MTUS2: variants seen among roughly 807,000 people sequenced by gnomAD.
MTUS2 encodes the protein microtubule associated scaffold protein 2, also known as microtubule-associated tumor suppressor candidate 2.
Under a neutral mutation model 114.1 loss-of-function variants are expected in MTUS2, and 40 were observed. The ratio of observed to expected loss-of-function variants is 0.35; its 90% CI spans 0.27 to 0.46. The LOEUF (loss-of-function observed/expected upper bound fraction) is 0.46, where lower values mean the gene tolerates loss of function less well. Among genes scored for constraint, MTUS2 ranks in the 20% least tolerant of loss-of-function variants. MTUS2 has a pLI of 1.00. For missense variants in MTUS2, 1,679 were observed against 1,705.4 expected (o/e 0.98, Z 0.27); for synonymous variants, 688 against 672.0 (o/e 1.02, Z -0.37).
intron 5 of MTUS2, among the ~76,000 whole-genome samples, chr13:29,142,868 CT>C (rs1892282876): frequency 6.6e-6 from 1 of 152,120 alleles, no homozygotes; most frequent in Non-Finnish European, 1.5e-5. Flanking sequence ...GGCATGTTGA[CT>C]TGAAGGGGCA....
chr13:29,474,070 C>G lies in MTUS2; in HGVS notation c.3185-6080C>G, dbSNP rs536450186. ...TTATTATCCAATATTTTCTACAGGC[C>G]TAGGGCTTACAACAGAGAGCCATTG... On this transcript the variant is annotated intron_variant, in intron 9 of 15. Transcript: ENST00000612955. Among the ~76,000 whole-genome samples the G allele has an allele frequency of 2.0e-5, 3 of 152,306 alleles. No homozygotes were observed. The South Asian group carries it at 6.2e-4, about 32-fold the overall frequency.
At chr13:29,019,165 CAG>C (rs1886190410) in intron 2 of MTUS2, among the ~76,000 whole-genome samples, 2 of 152,226 alleles carry the variant, frequency 1.3e-5, no homozygotes, top group East Asian at 1.9e-4. Context: ...TCATGATTGA[CAG>C]AGTTTCTTAT....
intron 5 of MTUS2, among the ~76,000 whole-genome samples, chr13:29,120,860 G>T (rs747196452): frequency 5.9e-5 from 9 of 152,190 alleles, no homozygotes; most frequent in African/African-American, 2.2e-4. Context: ...AAAGATGAAA[G>T]AAGGTTGTAT....
rs543068174 is a variant in MTUS2, at chr13:28,907,578, A to G, written c.-243+67728A>G. Among the ~76,000 whole-genome samples the G allele has an allele frequency of 7.3e-5, 11 of 151,586 alleles. No homozygotes were observed. In the South Asian group the frequency reaches 2.1e-3, roughly 29 times the overall value. ...GGAAGATCTGCCAAGCAAATGGAAA[A>G]CAAAAAAAGGCAGGGGTTGCAATCC... On this transcript the variant is annotated intron_variant, in intron 2 of 15. Coordinates refer to ENST00000612955, the MANE Select transcript of MTUS2 (RefSeq NM_001033602.4).
intron 6 of MTUS2, among the ~76,000 whole-genome samples, chr13:29,323,314 A>G (rs1900332970): frequency 6.6e-6 from 1 of 150,642 alleles, no homozygotes; most frequent in Non-Finnish European, 1.5e-5. Context: ...CAGTGGCGTG[A>G]TCTCGGCTCA....
chr13:29,003,995 A>G (rs1336477477), intron 2 of MTUS2, among the ~76,000 whole-genome samples: 3 of 152,170 alleles, frequency 2.0e-5, no homozygotes, highest in Non-Finnish European at 4.4e-5. Flanking sequence ...TCCCAGGGGA[A>G]AGAAAGGGTG....
intron 4 of MTUS2, among the ~76,000 whole-genome samples, chr13:29,049,019 C>G (rs1887765448): frequency 6.6e-6 from 1 of 152,158 alleles, no homozygotes; most frequent in African/African-American, 2.4e-5. Context: ...GTGTACTGAT[C>G]AGCAATTCTT....
In MTUS2 at chr13:29,046,031, G is replaced by A. The variant is rs1288351578; in HGVS notation, c.2446+11906G>A. Among the ~76,000 whole-genome samples the A allele has an allele frequency of 3.3e-5, 5 of 151,746 alleles. No individual in the cohort carries two copies. In the South Asian group the frequency reaches 8.3e-4, roughly 25 times the overall value. On this transcript the variant is annotated intron_variant, in intron 4 of 15. Coordinates refer to ENST00000612955, the MANE Select transcript of MTUS2 (RefSeq NM_001033602.4). ...GTTTATGTTCCCCATCCCAGTCCCC[G>A]TGCTTACAAATGACTCTACCTGCTG...
At position 29,487,843 on chromosome 13, in the gene MTUS2, C is replaced by T. The variant is rs1881739681; in HGVS notation, c.3400-57C>T. 3 of 1,357,752 alleles carry T rather than the reference C, an allele frequency of 2.2e-6. No individual in the cohort carries two copies. In the East Asian group the frequency reaches 6.9e-5, roughly 31 times the overall value. The allele number at this position is 1,357,752 out of a possible 1,614,324, so 84.1% of individuals were successfully genotyped here. ...ACGGACCTTTTCCACTCACGGAATT[C>T]CACTTCTGTTCTCCAAGCAGCTCTC... On this transcript the variant is annotated intron_variant, in intron 10 of 15. Coordinates refer to ENST00000612955, the MANE Select transcript of MTUS2 (RefSeq NM_001033602.4).
intron 4 of MTUS2, among the ~76,000 whole-genome samples, chr13:29,076,759 T>C (rs866662733): frequency 6.6e-6 from 1 of 152,208 alleles, no homozygotes. Flanking sequence ...CTCAGTATTT[T>C]ACTGGTCAGC....
At chr13:28,906,426 A>G (rs1880017828) in intron 2 of MTUS2, among the ~76,000 whole-genome samples, 1 of 151,016 alleles carries the variant, frequency 6.6e-6, no homozygotes, top group Non-Finnish European at 1.5e-5. Flanking sequence ...ACTGCTTTGA[A>G]TGTGTCCCAG....
At chr13:28,898,626 G>A (rs1879436225) in intron 2 of MTUS2, among the ~76,000 whole-genome samples, 1 of 152,184 alleles carries the variant, frequency 6.6e-6, no homozygotes, top group Admixed American at 6.5e-5. Context: ...ACACTAGCTG[G>A]GGGCTTGGCA....
In MTUS2 at chr13:29,025,233, A is replaced by C. The variant is rs748655936; in HGVS notation, c.535A>C (p.Arg179=). The change falls in exon 3 of 16, where the codon AGA becomes CGA. Residue 179 remains arginine (R), a synonymous_variant. Transcript: ENST00000612955. ...GGAACTGAGGAGGCATTCTTTGGAAAGAGCAAGCAGCTCTGTAGCTGCAGT... is the reference window on the plus strand; with the variant it reads ...GGAACTGAGGAGGCATTCTTTGGAACGAGCAAGCAGCTCTGTAGCTGCAGT... The part of the protein sequence containing the change: ...NEELRRHSLE[R]ASSSVAAVGS... The C allele has an allele frequency of 1.2e-6, 2 of 1,613,916 alleles. No homozygotes were observed. The highest frequency in any genetic ancestry group is 1.3e-5 in the African/African-American group (1 of 74,932).
intron 9 of MTUS2, among the ~76,000 whole-genome samples, chr13:29,459,832 C>G (rs768252838): frequency 1.3e-5 from 2 of 152,128 alleles, no homozygotes; most frequent in Non-Finnish European, 2.9e-5. Flanking sequence ...CCACACACAA[C>G]TCCTGCTACT....
chr13:29,248,812 C>T (rs1045881283), intron 5 of MTUS2, among the ~76,000 whole-genome samples: 4 of 152,178 alleles, frequency 2.6e-5, no homozygotes, highest in African/African-American at 9.7e-5. Flanking sequence ...TGATCTCATT[C>T]CTTTTTATGG....
intron 4 of MTUS2, among the ~76,000 whole-genome samples, chr13:29,039,166 G>A (rs1250466978): frequency 2.6e-5 from 4 of 152,204 alleles, no homozygotes; most frequent in Non-Finnish European, 5.9e-5. Context: ...AGCGGAGGAC[G>A]GGCCTGGACC....
chr13:29,379,431 A>G (rs1872029261), intron 8 of MTUS2, among the ~76,000 whole-genome samples: 1 of 152,104 alleles, frequency 6.6e-6, no homozygotes, highest in Non-Finnish European at 1.5e-5. Flanking sequence ...GGGACAGGGG[A>G]CCTACATGGA....
chr13:29,245,471 A>G (rs1175172918), intron 5 of MTUS2, among the ~76,000 whole-genome samples: 2 of 152,186 alleles, frequency 1.3e-5, no homozygotes, highest in African/African-American at 4.8e-5. Context: ...TTGAGTAAAC[A>G]GCAACTGCAC....
intron 11 of MTUS2, 58 bp downstream of exon 11, chr13:29,488,063 C>T: frequency 1.5e-6 from 2 of 1,345,924 alleles, no homozygotes; most frequent in Non-Finnish European, 1.1e-6. Context: ...CGAGCCTTTC[C>T]TGCTGCAGAT....
Sources: gnomAD v4.1 joint callset for allele counts (sites outside exome capture counted in the v4.1 genomes callset) on GRCh38, gnomAD v4.1.1 for gene constraint, MANE v1.5 for transcripts, NCBI Gene and HGNC (gene_info 2026-07-23, HGNC 2026-07-21) for gene names.